Variants in ACIN1 observed in about 807,000 individuals in gnomAD.
ACIN1 encodes the protein apoptotic chromatin condensation inducer in the nucleus.
Under a neutral mutation model 146.6 loss-of-function variants are expected in ACIN1, and 16 were observed. That is an observed-to-expected ratio of 0.11 (90% CI 0.07 to 0.17). The LOEUF (loss-of-function observed/expected upper bound fraction) is 0.17. ACIN1 is among the 10% of genes least tolerant of loss of function. The pLI, the probability that ACIN1 is intolerant of heterozygous loss-of-function variation, is 1.00. For missense variants in ACIN1, 1,357 were observed against 1,609.3 expected (o/e 0.84, Z 2.68); for synonymous variants, 569 against 582.7 (o/e 0.98, Z 0.34).
intron 8 of ACIN1, 30 bp from the exon 9 acceptor site, chr14:23,069,647 GGC>G (rs2140064880): frequency 2.8e-6 from 2 of 706,002 alleles, no homozygotes; most frequent in South Asian, 1.4e-5. Flanking sequence ...GTGGTGGGGG[GGC>G]GGGCAGAAAA....
intron 9 of ACIN1, 64 bp from the exon 10 acceptor site, chr14:23,066,072 G>A: frequency 1.4e-6 from 2 of 1,425,422 alleles, no homozygotes; most frequent in African/African-American, 1.4e-5. Flanking sequence ...GAGGGGGGAA[G>A]GAGGTTAGAT....
In ACIN1 at chr14:23,069,628, G is replaced by A. The variant is rs375019690; in HGVS notation, c.2124-11C>T. Reference sequence around the variant, plus strand: ...TCCTCCTTCTCCTCACTGACAGGAGGGGGGAGTGGTGGTGGGGGGGCGGGC... The same window carrying A: ...TCCTCCTTCTCCTCACTGACAGGAGAGGGGAGTGGTGGTGGGGGGGCGGGC... On this transcript the variant is annotated splice_polypyrimidine_tract_variant and intron_variant, in intron 8 of 18. Coordinates refer to ENST00000605057, the MANE Select transcript of ACIN1 (RefSeq NM_001386863.1). 7.5e-6 allele frequency: 12 copies of A among 1,599,788 alleles called. No homozygotes were observed. The highest frequency in any genetic ancestry group is 6.9e-5 in the Admixed American group (4 of 58,092).
In ACIN1 at chr14:23,067,494, G is replaced by A. The variant is rs1334434528; in HGVS notation, c.2266-1486C>T. 5.1e-6 allele frequency: 5 copies of A among 971,138 alleles called. No homozygotes were observed. The highest frequency in any genetic ancestry group is 6.3e-5 in the Admixed American group (1 of 15,830). The allele number at this position is 971,138 out of a possible 1,614,324, so 60.2% of individuals were successfully genotyped here. On this transcript the variant is annotated intron_variant, in intron 9 of 18. Transcript: ENST00000605057. This position sits in a 1 kb window ranked among gnomAD's most constrained non-coding sequence, Gnocchi z 4.6. The stretch of plus-strand genomic sequence containing the variant: ...GCACTGCCAGAGTCCTCCCAGGGGC[G>A]CAGGGGGGGCGGGAGGGAAACGTGT...
chr14:23,071,808 G>C (rs2047664892), intron 8 of ACIN1, among the ~76,000 whole-genome samples: 1 of 152,166 alleles, frequency 6.6e-6, no homozygotes, highest in Non-Finnish European at 1.5e-5. Context: ...GCTGGGTGGA[G>C]GACATGTAAA....
At chr14:23,082,432 T>G (rs2047968025) in intron 4 of ACIN1, among the ~76,000 whole-genome samples, 1 of 144,430 alleles carries the variant, frequency 6.9e-6, no homozygotes, top group African/African-American at 2.6e-5. Flanking sequence ...GTATTAGAGC[T>G]CAATATTTTT....
At chr14:23,093,640 T>C in intron 1 of ACIN1, 96 bp from the exon 2 acceptor site, 1 of 988,116 alleles carries the variant, frequency 1.0e-6, no homozygotes, top group Non-Finnish European at 1.6e-6. Flanking sequence ...ACGCAATGAC[T>C]TAAATACACA....
intron 7 of ACIN1, among the ~76,000 whole-genome samples, 173 bp from the exon 8 acceptor site, chr14:23,078,439 AATAG>A (rs1477847726): frequency 7.2e-5 from 11 of 152,360 alleles, no homozygotes; most frequent in African/African-American, 2.6e-4. Flanking sequence ...ATGGCTTAAA[AATAG>A]GTACTTCAAG....
At chr14:23,069,271 G>C (rs1335248783) in intron 9 of ACIN1, 5 of 1,252,120 alleles carry the variant, frequency 4.0e-6, no homozygotes, top group Non-Finnish European at 5.0e-6. Context: ...AACAAGGAAA[G>C]GAAAATGAAT....
intron 18 of ACIN1, 28 bp from the exon 19 acceptor site, chr14:23,059,502 T>C (rs1206996383): frequency 6.3e-7 from 1 of 1,588,380 alleles, no homozygotes; most frequent in Non-Finnish European, 8.6e-7. Context: ...AGGCAGAGAA[T>C]AGGCAGCTCA....
At chr14:23,069,696 G>C in intron 8 of ACIN1, 79 bp from the exon 9 acceptor site, 1 of 1,399,376 alleles carries the variant, frequency 7.1e-7, no homozygotes, top group Non-Finnish European at 9.8e-7. Flanking sequence ...GTTAGTTACT[G>C]GGTCAGGAAA....
In ACIN1 at chr14:23,062,956, A is replaced by C. The variant is rs2047334840; in HGVS notation, c.2856T>G (p.Ile952Met). The change falls in exon 14 of 19, where the codon ATT becomes ATG. Residue 952 changes from isoleucine (I) to methionine (M), a missense_variant. Ile to Met is a conservative substitution (Grantham distance 10). Coordinates refer to ENST00000605057, the MANE Select transcript of ACIN1 (RefSeq NM_001386863.1). ...AATTGGAGATATGGACAATGTTGCTAATCTTGCCCCGGGGTGGGGAGGGCA... is the reference window on the plus strand; with the variant it reads ...AATTGGAGATATGGACAATGTTGCTCATCTTGCCCCGGGGTGGGGAGGGCA... ...AQVPSPPRGK[I>M]SNIVHISNLV... The C allele has an allele frequency of 6.2e-7, 1 of 1,610,728 alleles. No individual in the cohort carries two copies. Among genetic ancestry groups the C allele is most frequent in the Non-Finnish European group, 8.5e-7 (1 of 1,179,050 alleles).
At chr14:23,087,442 CTTTTT>C (rs78090655) in intron 4 of ACIN1, among the ~76,000 whole-genome samples, 1 of 139,696 alleles carries the variant, frequency 7.2e-6, no homozygotes, top group Admixed American at 7.2e-5. Context: ...TATTTTTCAC[CTTTTT>C]TTTTTTTTAA....
chr14:23,064,540 G>A, intron 10 of ACIN1, 52 bp from the exon 11 acceptor site: 1 of 1,600,250 alleles, frequency 6.2e-7, no homozygotes, highest in Non-Finnish European at 8.5e-7. Flanking sequence ...ACCTCTGCTA[G>A]TTCAAACCGT....
intron 8 of ACIN1, chr14:23,071,451 T>C (rs1321710263): frequency 1.3e-6 from 2 of 1,551,562 alleles, no homozygotes; most frequent in East Asian, 4.9e-5. Flanking sequence ...TCGGCTGGAT[T>C]GGTCTCTCTG....
chr14:23,065,908 T>A, intron 10 of ACIN1, 58 bp downstream of exon 10: 1 of 1,518,118 alleles, frequency 6.6e-7, no homozygotes, highest in Non-Finnish European at 9.1e-7. Context: ...TGGTTCTCAA[T>A]GAATGCTGGT....
Position 23,068,710 on chromosome 14 carries a change from AAAT to A in ACIN1, c.2265+763_2265+765del, listed in dbSNP as rs2140053948. The A allele has an allele frequency of 1.0e-6, 1 of 985,682 alleles. No individual in the cohort carries two copies. The highest frequency in any genetic ancestry group is 1.1e-4 in the East Asian group (1 of 8,814). 61.1% of individuals were successfully genotyped at this position (985,682 alleles called of 1,614,324 possible). On this transcript the variant is annotated intron_variant, in intron 9 of 18. Transcript: ENST00000605057. This position sits in a 1 kb window ranked among gnomAD's most constrained non-coding sequence, Gnocchi z 4.3. ...TTACGGGGAAGAAGGACCTTGTAATAAATAATATTCTGCACATCAAATCACTTT... is the reference window on the plus strand; with the variant it reads ...TTACGGGGAAGAAGGACCTTGTAATAAATATTCTGCACATCAAATCACTTT...
chr14:23,071,259 C>T lies in ACIN1; in HGVS notation c.2124-1642G>A, dbSNP rs1191015812. On this transcript the variant is annotated intron_variant, in intron 8 of 18. Coordinates refer to ENST00000605057, the MANE Select transcript of ACIN1 (RefSeq NM_001386863.1). Reference sequence around the variant, plus strand: ...AAATAAAGAAAAAAAACCACACCTTCCTTGTTCCAAGATCCCACCACCTCC... The same window carrying T: ...AAATAAAGAAAAAAAACCACACCTTTCTTGTTCCAAGATCCCACCACCTCC... The T allele has an allele frequency of 2.0e-6, 3 of 1,511,824 alleles. No individual in the cohort carries two copies. In the Admixed American group the frequency reaches 7.5e-5, roughly 38 times the overall value. 93.7% of individuals were successfully genotyped at this position (1,511,824 alleles called of 1,614,324 possible). A position where few individuals can be genotyped will look rare whatever the true frequency, so the allele number is the denominator to read the frequency against.
At chr14:23,069,756 CAAG>C in intron 8 of ACIN1, 139 bp from the exon 9 acceptor site, 1 of 757,904 alleles carries the variant, frequency 1.3e-6, no homozygotes, top group Non-Finnish European at 2.1e-6. Context: ...CTTTTCTGAT[CAAG>C]GTTAGAGACC....
intron 2 of ACIN1, 93 bp from the exon 3 acceptor site, chr14:23,090,726 AG>A (rs2140236719): frequency 2.2e-6 from 2 of 895,336 alleles, no homozygotes; most frequent in Non-Finnish European, 3.4e-6. Context: ...CACTCCTTAT[AG>A]TTGCGCCCAA....
Sources: allele counts gnomAD v4.1 joint callset (sites outside exome capture counted in the v4.1 genomes callset), GRCh38; gene constraint gnomAD v4.1.1; non-coding constraint Gnocchi (gnomAD v3.1); transcripts MANE v1.5; gene names NCBI Gene and HGNC (gene_info 2026-07-23, HGNC 2026-07-21).